The following APELA variants were observed in gnomAD, a reference collection of about 807,000 sequenced individuals.
The protein encoded by APELA is apelin receptor early endogenous ligand.
chr4:164,897,820 G>T (rs1431744132), downstream of APELA, among the ~76,000 whole-genome samples: 2 of 152,168 alleles, frequency 1.3e-5, no homozygotes, highest in East Asian at 3.9e-4. Context: ...TATTCACCGG[G>T]AGGTAAATGA....
At chr4:164,889,007 ACTT>A (rs1296136160) in intron 2 of APELA, among the ~76,000 whole-genome samples, 2 of 151,428 alleles carry the variant, frequency 1.3e-5, no homozygotes, top group African/African-American at 4.9e-5. Context: ...ACCATATATA[ACTT>A]CTTTTTTTTT....
At chr4:164,879,479 C>T (rs991122753) in intron 2 of APELA, among the ~76,000 whole-genome samples, 6 of 152,238 alleles carry the variant, frequency 3.9e-5, no homozygotes, top group African/African-American at 1.4e-4. Flanking sequence ...GGGTCTTGCT[C>T]TGTCACCCAG....
chr4:164,893,931 G>A (rs1334965836), intron 2 of APELA, among the ~76,000 whole-genome samples: 1 of 149,708 alleles, frequency 6.7e-6, no homozygotes, highest in African/African-American at 2.5e-5. Flanking sequence ...TGCATTAAAT[G>A]AATATTTTCT....
intron 2 of APELA, among the ~76,000 whole-genome samples, chr4:164,881,477 T>C (rs1730652086): frequency 6.6e-6 from 1 of 152,192 alleles, no homozygotes; most frequent in Non-Finnish European, 1.5e-5. Context: ...GATCCCAGCC[T>C]ATGCAACTGA....
chr4:164,892,201 A>T (rs1409234939), intron 2 of APELA, among the ~76,000 whole-genome samples: 1 of 152,102 alleles, frequency 6.6e-6, no homozygotes, highest in Non-Finnish European at 1.5e-5. Flanking sequence ...CTACGGTCCC[A>T]GCTACTCAGG....
intron 2 of APELA, among the ~76,000 whole-genome samples, chr4:164,883,598 T>A (rs1426946579): frequency 6.6e-6 from 1 of 151,114 alleles, no homozygotes; most frequent in Non-Finnish European, 1.5e-5. Flanking sequence ...GTTATCCTCC[T>A]GCCTCAGCCT....
Position 164,880,901 on chromosome 4 carries a change from G to T in APELA, c.*1+1892G>T, listed in dbSNP as rs545963280. On this transcript the variant is annotated intron_variant, in intron 2 of 2. Coordinates refer to ENST00000507152, the MANE Select transcript of APELA (RefSeq NM_001297550.2). ...TTAATAATAGCAACTCTTTACAAAA[G>T]TTGGCTGAGAGCTTATAAAACTGCT... Among the ~76,000 whole-genome samples the T allele has an allele frequency of 3.7e-4, 56 of 152,296 alleles. 1 individual carries two copies. Among genetic ancestry groups the T allele is most frequent in the African/African-American group, 1.2e-3 (49 of 41,568 alleles).
chr4:164,877,219 C>T lies in APELA; in HGVS notation c.-113C>T. 2.5e-6 allele frequency: 1 copy of T among 395,998 alleles called. No individual in the cohort carries two copies. The highest frequency in any genetic ancestry group is 3.6e-5 in the East Asian group (1 of 27,966). The allele number at this position is 395,998 out of a possible 1,614,324, so 24.5% of individuals were successfully genotyped here. ...TTCCTGCAAAACACAGCTGGCAGTT[C>T]TCTGAGGTTTGTCACTAGAATGTGA... On this transcript the variant is annotated 5_prime_UTR_variant, in exon 1 of 3. Coordinates refer to ENST00000507152, the MANE Select transcript of APELA (RefSeq NM_001297550.2).
intron 2 of APELA, among the ~76,000 whole-genome samples, chr4:164,885,869 G>T (rs1174622252): frequency 6.6e-6 from 1 of 151,950 alleles, no homozygotes; most frequent in Non-Finnish European, 1.5e-5. Flanking sequence ...TTCTAGGATG[G>T]AACTATCATT....
intron 2 of APELA, among the ~76,000 whole-genome samples, chr4:164,891,906 T>C (rs1243964871): frequency 6.6e-6 from 1 of 152,226 alleles, no homozygotes; most frequent in African/African-American, 2.4e-5. Context: ...TGGGTCTTTG[T>C]AGATGACCTT....
At chr4:164,887,117 T>A (rs1730790009) in intron 2 of APELA, among the ~76,000 whole-genome samples, 1 of 152,150 alleles carries the variant, frequency 6.6e-6, no homozygotes, top group Non-Finnish European at 1.5e-5. Flanking sequence ...CATGAGCCAC[T>A]GCGCCCGGCC....
intron 2 of APELA, among the ~76,000 whole-genome samples, chr4:164,882,351 C>A (rs1367049318): frequency 6.6e-6 from 1 of 151,990 alleles, no homozygotes; most frequent in African/African-American, 2.4e-5. Context: ...GATCTGCCCC[C>A]CCTCAGACTC....
In APELA at chr4:164,884,152, A is replaced by AAAGG. The variant is rs1560858130; in HGVS notation, c.*1+5146_*1+5147insGAAG. ...GAAAGAAAGAAAGAAAGAAAGAAAG[A>AAAGG]AAGAAAGGAGAAGAGAAAGAAAGGA... On this transcript the variant is annotated intron_variant, in intron 2 of 2. Coordinates refer to ENST00000507152, the MANE Select transcript of APELA (RefSeq NM_001297550.2). 1.7e-4 allele frequency among the ~76,000 whole-genome samples: 25 copies of AAAGG among 149,488 alleles called. No individual in the cohort carries two copies. In the East Asian group the frequency reaches 1.9e-3, roughly 12 times the overall value.
At chr4:164,878,812 C>G in intron 1 of APELA, 108 bp from the exon 2 acceptor site, 2 of 397,056 alleles carry the variant, frequency 5.0e-6, no homozygotes, top group Non-Finnish European at 8.9e-6. Context: ...GAACAAATGG[C>G]AAATAACCAC....
chr4:164,885,217 G>T (rs532383007), intron 2 of APELA, among the ~76,000 whole-genome samples: 3 of 151,948 alleles, frequency 2.0e-5, no homozygotes, highest in African/African-American at 7.2e-5. Context: ...TGCAGCCTCC[G>T]CCTTTTGGGC....
chr4:164,897,909 G>A (rs925175225), downstream of APELA, among the ~76,000 whole-genome samples: 4 of 152,032 alleles, frequency 2.6e-5, no homozygotes, highest in African/African-American at 9.7e-5. Context: ...ATCTTTCTTG[G>A]AGATAGAGTC....
At chr4:164,897,822 G>A (rs556337910), downstream of APELA, among the ~76,000 whole-genome samples, 2 of 152,160 alleles carry the variant, frequency 1.3e-5, no homozygotes, top group South Asian at 2.1e-4. Context: ...TTCACCGGGA[G>A]GTAAATGAGA....
chr4:164,886,677 G>C (rs1185525489), intron 2 of APELA, among the ~76,000 whole-genome samples: 1 of 152,026 alleles, frequency 6.6e-6, no homozygotes, highest in Non-Finnish European at 1.5e-5. Flanking sequence ...ATGCCTTAAT[G>C]ATGAATATAT....
intron 2 of APELA, among the ~76,000 whole-genome samples, chr4:164,882,207 G>T (rs1268870718): frequency 1.3e-5 from 2 of 151,984 alleles, no homozygotes; most frequent in Non-Finnish European, 2.9e-5. Context: ...AGGTTCTAGC[G>T]ATTCTCCTGC....
Sources: gnomAD v4.1 joint callset for allele counts (sites outside exome capture counted in the v4.1 genomes callset) on GRCh38, gnomAD v4.1.1 for gene constraint, MANE v1.5 for transcripts, NCBI Gene and HGNC (gene_info 2026-07-23, HGNC 2026-07-21) for gene names.